Variants in TMEM245 observed in about 807,000 individuals in gnomAD.
The protein encoded by TMEM245 is transmembrane protein 245.
TMEM245 carries 69 observed loss-of-function variants against 101.2 expected under a neutral mutation model. The ratio of observed to expected loss-of-function variants is 0.68; its 90% CI spans 0.56 to 0.83. The LOEUF is 0.83. Among genes scored for constraint, TMEM245 ranks in the 40% least tolerant of loss-of-function variants. The pLI is 0.00. For synonymous variants in TMEM245, 537 were observed against 449.8 expected, an observed-to-expected ratio of 1.19 and a Z score of -2.45; for missense variants, 1,075 against 1,092.8, an observed-to-expected ratio of 0.98 and a Z score of 0.23.
intron 3 of TMEM245, among the ~76,000 whole-genome samples, chr9:109,099,441 C>T (rs961141316): frequency 4.6e-5 from 7 of 152,172 alleles, no homozygotes; most frequent in Non-Finnish European, 1.0e-4. Context: ...CAAACAATTA[C>T]CAATGCCAGG....
chr9:109,101,011 G>A (rs1830268940), intron 3 of TMEM245, among the ~76,000 whole-genome samples: 1 of 152,128 alleles, frequency 6.6e-6, no homozygotes, highest in Non-Finnish European at 1.5e-5. Context: ...AGTTTTCTGA[G>A]GCGGAGGTGG....
Position 109,020,412 on chromosome 9 carries a change from G to C in TMEM245, c.*48C>G. ...AGAGGGCCACAGCTGAGCTGAACTC[G>C]CTGTCAAATTTGAACTTCCTAGAAA... On this transcript the variant is annotated 3_prime_UTR_variant, in exon 18 of 18. Transcript: ENST00000374586. 6.3e-7 allele frequency: 1 copy of C among 1,582,598 alleles called. No homozygotes were observed. The highest frequency in any genetic ancestry group is 8.7e-7 in the Non-Finnish European group (1 of 1,151,398).
At chr9:109,027,444 A>C (rs1255947177) in intron 17 of TMEM245, among the ~76,000 whole-genome samples, 2 of 152,162 alleles carry the variant, frequency 1.3e-5, no homozygotes, top group Non-Finnish European at 2.9e-5. Flanking sequence ...GATTAAGTGG[A>C]TGTTTACATC....
intron 17 of TMEM245, among the ~76,000 whole-genome samples, chr9:109,026,073 G>T (rs1827782286): frequency 6.6e-6 from 1 of 152,134 alleles, no homozygotes; most frequent in Non-Finnish European, 1.5e-5. Context: ...CCTAGAAAAA[G>T]CCAAGCCCTT....
rs535976237 is a variant in TMEM245, at chr9:109,119,701, C to T, written c.213G>A (p.Val71=). The T allele has an allele frequency of 3.9e-6, 6 of 1,549,990 alleles. No individual in the cohort carries two copies. Among genetic ancestry groups the T allele is most frequent in the African/African-American group, 1.4e-5 (1 of 71,652 alleles). Residue 71 remains valine, a synonymous_variant, in exon 1 of 18, where the codon GTG becomes GTA. Transcript: ENST00000374586. ...LFVCLCCGAA[V]LVYFILEAFL... ...AGGCCTCCAGGATGAAGTAGACCAG[C>T]ACCGCGGCGCCGCAGCACAGGCACA...
intron 9 of TMEM245, among the ~76,000 whole-genome samples, chr9:109,067,202 A>C (rs1233506422): frequency 6.6e-6 from 1 of 152,182 alleles, no homozygotes; most frequent in African/African-American, 2.4e-5. Flanking sequence ...GTTTCCTAAG[A>C]GCAACAAATG....
rs144585038 is a variant in TMEM245, at chr9:109,022,831, A to G, written c.2595-2326T>C. 1.6e-4 allele frequency among the ~76,000 whole-genome samples: 24 copies of G among 152,364 alleles called. No individual in the cohort carries two copies. The East Asian group carries it at 4.6e-3, about 29-fold the overall frequency. ...CAATAGTCAAAAACTGGCTAATACT[A>G]CAAAGCATTTTCTAATACCCAACGG... On this transcript the variant is annotated intron_variant, in intron 17 of 17. Coordinates refer to ENST00000374586, the MANE Select transcript of TMEM245 (RefSeq NM_032012.4).
In TMEM245 at chr9:109,050,817, T is replaced by C. The variant is rs1828655111; in HGVS notation, c.1855-125A>G. Reference sequence around the variant, plus strand: ...CTGAAAAGCTAAGAACTGAGGATTATTTCAAATGAAAATTAAAAAAAAAAA... The same window carrying C: ...CTGAAAAGCTAAGAACTGAGGATTACTTCAAATGAAAATTAAAAAAAAAAA... On this transcript the variant is annotated intron_variant, in intron 12 of 17. Transcript: ENST00000374586. The C allele has an allele frequency of 3.8e-6, 4 of 1,046,644 alleles. No individual in the cohort carries two copies. In the African/African-American group the frequency reaches 4.9e-5, roughly 13 times the overall value. The allele number at this position is 1,046,644 out of a possible 1,614,324, so 64.8% of individuals were successfully genotyped here.
At position 109,068,797 on chromosome 9, in the gene TMEM245, C is replaced by T. The variant is rs371435252; in HGVS notation, c.1533-4230G>A. Among the ~76,000 whole-genome samples the T allele has an allele frequency of 9.2e-4, 140 of 152,050 alleles. 3 individuals are homozygous for T. The South Asian group carries it at 0.026, about 28-fold the overall frequency. ...GCTGCATGCTCCATGACTGGATTTA[C>T]GTATTATTCTCAAAATGATTTTATA... On this transcript the variant is annotated intron_variant, in intron 9 of 17. Transcript: ENST00000374586.
intron 3 of TMEM245, among the ~76,000 whole-genome samples, chr9:109,094,618 T>C (rs1022113059): frequency 2.6e-5 from 4 of 152,228 alleles, no homozygotes; most frequent in Admixed American, 6.5e-5. Context: ...TTTCTCCTGA[T>C]TGCACTGCTT....
At chr9:109,030,130 A>G (rs78392506) in intron 17 of TMEM245, among the ~76,000 whole-genome samples, 1 of 152,228 alleles carries the variant, frequency 6.6e-6, no homozygotes, top group Non-Finnish European at 1.5e-5. Flanking sequence ...TGATGCCTAT[A>G]TATGACCAAA....
chr9:109,117,131 C>T (rs947100451), intron 1 of TMEM245, among the ~76,000 whole-genome samples: 3 of 151,544 alleles, frequency 2.0e-5, no homozygotes, highest in Admixed American at 6.6e-5. Flanking sequence ...TTTTTTGAGA[C>T]GGAATTTCAC....
chr9:109,044,028 T>C (rs1828398488), intron 14 of TMEM245, among the ~76,000 whole-genome samples: 1 of 152,202 alleles, frequency 6.6e-6, no homozygotes, highest in South Asian at 2.1e-4. Flanking sequence ...CTATATTTAA[T>C]AATAACTCCT....
At chr9:109,044,276 C>G (rs769108347) in intron 14 of TMEM245, among the ~76,000 whole-genome samples, 7 of 152,112 alleles carry the variant, frequency 4.6e-5, no homozygotes, top group Non-Finnish European at 1.0e-4. Context: ...ATCAGATGAC[C>G]TGCTTTTAAT....
Position 109,119,355 on chromosome 9 carries a change from C to G in TMEM245, c.559G>C (p.Asp187His). The G allele has an allele frequency of 6.5e-7, 1 of 1,531,924 alleles. No homozygotes were observed. Among genetic ancestry groups the G allele is most frequent in the Non-Finnish European group, 8.7e-7 (1 of 1,143,366 alleles). 94.9% of individuals were successfully genotyped at this position (1,531,924 alleles called of 1,614,324 possible). A position where few individuals can be genotyped will look rare whatever the true frequency, so the allele number is the denominator to read the frequency against. ...CTCACCCACAGGCTGCTGAAGTAGTCCAGCCCGCGGCAGATGAGCGTGGCA... is the reference window on the plus strand; with the variant it reads ...CTCACCCACAGGCTGCTGAAGTAGTGCAGCCCGCGGCAGATGAGCGTGGCA... The part of the protein sequence containing the change: ...HAATLICRGL[D>H]YFSSLWIWTL... Residue 187 changes from aspartate to histidine, a missense_variant, in exon 1 of 18, where the codon GAC (aspartate) becomes CAC (histidine). By Grantham distance (81) the Asp-to-His change is moderately conservative (BLOSUM62 -1). This residue lies in a region of TMEM245 where 808 missense variants were observed against 741.5 expected (regional missense o/e 1.09). Coordinates refer to ENST00000374586, the MANE Select transcript of TMEM245 (RefSeq NM_032012.4).
In TMEM245 at chr9:109,045,006, C is replaced by T. The variant is rs565735663; in HGVS notation, c.2123+5277G>A. On this transcript the variant is annotated intron_variant, in intron 14 of 17. Transcript: ENST00000374586. ...AACTCCTGACCTCAGGTGATCTGCC[C>T]GCCTTGGCCTCCCAAAGTGCTGGGA... 6.8e-4 allele frequency among the ~76,000 whole-genome samples: 104 copies of T among 152,186 alleles called. 1 individual carries two copies. Among genetic ancestry groups the T allele is most frequent in the Non-Finnish European group, 1.3e-3 (85 of 67,988 alleles).
Position 109,064,537 on chromosome 9 carries a change from T to C in TMEM245, c.1563A>G (p.Arg521=), listed in dbSNP as rs1450306670. ...CGTTGTTAGCCGCAGAATTCAGGGC[T>C]CTTTGGACTACCTGAGCCTCAGGAA... The part of the protein sequence containing the change: ...NWLPEAQVVQ[R]ALNSAANNVY... Residue 521 remains arginine, a synonymous_variant, in exon 10 of 18, where the codon AGA becomes AGG. Coordinates refer to ENST00000374586, the MANE Select transcript of TMEM245 (RefSeq NM_032012.4). 1 of 1,613,842 alleles carries C rather than the reference T, an allele frequency of 6.2e-7. No individual in the cohort carries two copies. Among genetic ancestry groups the C allele is most frequent in the Non-Finnish European group, 8.5e-7 (1 of 1,179,880 alleles).
At chr9:109,030,103 A>G (rs1282021626) in intron 17 of TMEM245, among the ~76,000 whole-genome samples, 4 of 152,222 alleles carry the variant, frequency 2.6e-5, no homozygotes, top group Non-Finnish European at 5.9e-5. Flanking sequence ...TAACCTTCCA[A>G]GTCGGAAGTT....
intron 2 of TMEM245, 32 bp downstream of exon 2, chr9:109,108,420 TA>T (rs5899838): frequency 0.2 from 184,402 of 926,056 alleles, 5 homozygotes; most frequent in East Asian, 0.23. Context: ...AGGCTAGACT[TA>T]AAAAAAAAAA....
Sources: gnomAD v4.1 joint callset for allele counts (sites outside exome capture counted in the v4.1 genomes callset) on GRCh38, gnomAD v4.1.1 for gene constraint, gnomAD v4.1.1 regional missense constraint, MANE v1.5 for transcripts, NCBI Gene and HGNC (gene_info 2026-07-23, HGNC 2026-07-21) for gene names.